Variants in PTPRT observed in about 807,000 individuals in gnomAD.
The protein encoded by PTPRT is receptor-type tyrosine-protein phosphatase T.
A neutral mutation model predicts 176.8 loss-of-function variants in PTPRT; 56 were observed. The ratio of observed to expected loss-of-function variants is 0.32; its 90% CI spans 0.26 to 0.40. The LOEUF is 0.40. Among genes scored for constraint, PTPRT ranks in the 10% least tolerant of loss-of-function variants. The probability of loss-of-function intolerance (pLI) is 1.00; values close to 1 mark genes in which losing one functional copy is unlikely to be tolerated. For missense variants in PTPRT, 1,540 were observed against 1,908.2 expected (o/e 0.81, Z 3.60); for synonymous variants, 783 against 739.0 (o/e 1.06, Z -0.96).
intron 13 of PTPRT, among the ~76,000 whole-genome samples, chr20:42,260,334 C>T (rs539765140): frequency 5.9e-5 from 9 of 152,334 alleles, no homozygotes; most frequent in South Asian, 4.1e-4. Flanking sequence ...GCTGACAGTA[C>T]TGGCTCCTTG....
At chr20:42,178,907 A>G (rs1259325242) in intron 16 of PTPRT, among the ~76,000 whole-genome samples, 1 of 152,188 alleles carries the variant, frequency 6.6e-6, no homozygotes, top group Non-Finnish European at 1.5e-5. Flanking sequence ...CAAGGAACAG[A>G]CAAGTGGGAG....
At chr20:42,900,200 T>A (rs1474345325) in intron 1 of PTPRT, among the ~76,000 whole-genome samples, 1 of 152,196 alleles carries the variant, frequency 6.6e-6, no homozygotes, top group Non-Finnish European at 1.5e-5. Flanking sequence ...AGAAGAAAAT[T>A]CTGAGATTGG....
At position 42,110,448 on chromosome 20, in the gene PTPRT, A is replaced by G. The variant is rs774357172; in HGVS notation, c.3139T>C (p.Phe1047Leu). 1 of 1,611,748 alleles carries G rather than the reference A, an allele frequency of 6.2e-7. No homozygotes were observed. The highest frequency in any genetic ancestry group is 1.1e-5 in the South Asian group (1 of 90,870). ...HEIRELRLFH[F>L]TSWPDHGVPC... is the part of the protein sequence containing the mutation. ...ACGCCGTGGTCAGGCCAGCTGGTGA[A>G]GTGGAAGAGGCGGAGCTCCCGGATC... Residue 1047 changes from phenylalanine to leucine, a missense_variant, in exon 23 of 31, where the codon TTC becomes CTC. Coordinates refer to ENST00000373187, the MANE Select transcript of PTPRT (RefSeq NM_007050.6).
At chr20:42,236,680 T>A (rs921976085) in intron 14 of PTPRT, among the ~76,000 whole-genome samples, 1 of 151,762 alleles carries the variant, frequency 6.6e-6, no homozygotes, top group African/African-American at 2.4e-5. Flanking sequence ...CTACCACTCT[T>A]CCCTATGATA....
At chr20:43,050,648 G>T (rs1002754692) in intron 1 of PTPRT, among the ~76,000 whole-genome samples, 20 of 152,170 alleles carry the variant, frequency 1.3e-4, no homozygotes, top group East Asian at 9.6e-4. Flanking sequence ...GAATAATTTT[G>T]GGCAGGCCAC....
intron 6 of PTPRT, among the ~76,000 whole-genome samples, chr20:42,701,661 A>C (rs991384619): frequency 1.3e-5 from 2 of 152,104 alleles, no homozygotes; most frequent in Admixed American, 6.5e-5. Flanking sequence ...CACAAATTCC[A>C]AGGCAGAGCA....
At chr20:42,448,194 G>T in intron 9 of PTPRT, 26 bp downstream of exon 9, 2 of 1,534,766 alleles carry the variant, frequency 1.3e-6, no homozygotes, top group Non-Finnish European at 1.8e-6. Context: ...CTAAGCCAAT[G>T]GATGCAGCAC....
intron 1 of PTPRT, among the ~76,000 whole-genome samples, chr20:43,091,197 C>T (rs1361857222): frequency 1.3e-5 from 2 of 152,018 alleles, no homozygotes; most frequent in Admixed American, 1.3e-4. Flanking sequence ...GGCGCCACTG[C>T]ACTCCAGCCT....
At chr20:42,983,812 T>C (rs1463860138) in intron 1 of PTPRT, among the ~76,000 whole-genome samples, 2 of 152,230 alleles carry the variant, frequency 1.3e-5, no homozygotes, top group Admixed American at 1.3e-4. Flanking sequence ...ATGTTTTGTG[T>C]ATAGGCCTTA....
At chr20:42,571,255 T>C (rs971723036) in intron 7 of PTPRT, among the ~76,000 whole-genome samples, 12 of 152,342 alleles carry the variant, frequency 7.9e-5, no homozygotes, top group Non-Finnish European at 1.5e-5. Context: ...TTGAATCATG[T>C]ACACTTATTT....
intron 1 of PTPRT, among the ~76,000 whole-genome samples, chr20:43,149,137 T>C (rs1465787717): frequency 6.6e-6 from 1 of 152,240 alleles, no homozygotes; most frequent in Admixed American, 6.5e-5. Flanking sequence ...AATTATAGAA[T>C]AGTATATAAT....
At chr20:42,323,408 C>T (rs1469049819) in intron 11 of PTPRT, among the ~76,000 whole-genome samples, 12 of 152,122 alleles carry the variant, frequency 7.9e-5, no homozygotes, top group Non-Finnish European at 1.6e-4. Context: ...GGCACATATA[C>T]ACCATGGAAT....
chr20:42,515,618 GC>G (rs1371569118), intron 7 of PTPRT, among the ~76,000 whole-genome samples: 7 of 152,154 alleles, frequency 4.6e-5, no homozygotes, highest in African/African-American at 1.7e-4. Flanking sequence ...TCTTGAATAA[GC>G]TTTTTATTGA....
chr20:42,598,187 G>A (rs988462410), intron 7 of PTPRT, among the ~76,000 whole-genome samples: 1 of 152,024 alleles, frequency 6.6e-6, no homozygotes, highest in African/African-American at 2.4e-5. Context: ...GTGCTATGAT[G>A]TATTAAGAGG....
At chr20:42,169,793 A>ACACACACACACACACACACACAC (rs1568638865) in intron 16 of PTPRT, among the ~76,000 whole-genome samples, 1 of 67,102 alleles carries the variant, frequency 1.5e-5, no homozygotes. Context: ...CACACACACA[A>ACACACACACACACACACACACAC]CAGTCAGTAT....
rs56329932 is a variant in PTPRT at position 42,169,743 on chromosome 20, AACACACACACACAC to A, written c.2492-8215_2492-8202del. On this transcript the variant is annotated intron_variant, in intron 16 of 30. Transcript: ENST00000373187. ...GATACCGTGAAAAGTACAATTTTCA[AACACACACACACAC>A]ACACACACACACACACACACACACA... 1.8e-3 allele frequency among the ~76,000 whole-genome samples: 187 copies of A among 104,630 alleles called. 2 individuals carry two copies. Among genetic ancestry groups the A allele is most frequent in the African/African-American group, 6.4e-3 (167 of 25,998 alleles). 68.6% of individuals were successfully genotyped at this position (104,630 alleles called of 152,430 possible).
chr20:42,099,502 G>A (rs1193948404), intron 26 of PTPRT, among the ~76,000 whole-genome samples: 1 of 139,992 alleles, frequency 7.1e-6, no homozygotes, highest in Non-Finnish European at 1.5e-5. Context: ...ATTCAGTCCC[G>A]TGTTGCAGAT....
At chr20:42,807,151 A>G (rs575865628) in intron 2 of PTPRT, among the ~76,000 whole-genome samples, 2 of 152,312 alleles carry the variant, frequency 1.3e-5, no homozygotes, top group South Asian at 2.1e-4. Context: ...CTGTAAAGGG[A>G]TGTCTGTCCC....
At chr20:42,603,725 G>A (rs1192126810) in intron 7 of PTPRT, among the ~76,000 whole-genome samples, 1 of 152,192 alleles carries the variant, frequency 6.6e-6, no homozygotes, top group African/African-American at 2.4e-5. Flanking sequence ...CCTGGAGATT[G>A]TGATAAATGT....
Sources: allele counts gnomAD v4.1 joint callset (sites outside exome capture counted in the v4.1 genomes callset), GRCh38; gene constraint gnomAD v4.1.1; transcripts MANE v1.5; gene names NCBI Gene and HGNC (gene_info 2026-07-23, HGNC 2026-07-21).